YLPM1: variants seen among roughly 807,000 people sequenced by gnomAD.
YLPM1 encodes YLP motif-containing protein 1.
A neutral mutation model predicts 230.0 loss-of-function variants in YLPM1; 99 were observed. The ratio of observed to expected loss-of-function variants is 0.43; its 90% CI spans 0.37 to 0.51. YLPM1 has a LOEUF of 0.51. Among genes scored for constraint, YLPM1 ranks in the 20% least tolerant of loss-of-function variants. The pLI is 0.00. For missense variants in YLPM1, 2,592 were observed against 2,707.7 expected (o/e 0.96, Z 0.95); for synonymous variants, 984 against 942.5 (o/e 1.04, Z -0.81).
chr14:74,778,739 C>T (rs2091065982), intron 2 of YLPM1, 56 bp downstream of exon 2: 1 of 1,439,102 alleles, frequency 6.9e-7, no homozygotes. Flanking sequence ...TTTTCTGATT[C>T]ATTTAGTATA....
chr14:74,766,299 AT>A (rs1235430328), intron 1 of YLPM1, among the ~76,000 whole-genome samples: 1 of 152,118 alleles, frequency 6.6e-6, no homozygotes, highest in Non-Finnish European at 1.5e-5. Context: ...CCTTCTACAT[AT>A]TTATTATTCT....
intron 1 of YLPM1, among the ~76,000 whole-genome samples, chr14:74,772,583 T>A (rs1446779453): frequency 6.6e-6 from 1 of 152,134 alleles, no homozygotes; most frequent in East Asian, 1.9e-4. Context: ...GGTCTCGAAC[T>A]CCTCACCTTG....
At position 74,835,399 on chromosome 14, in the gene YLPM1, C is replaced by T. The variant is rs2091636173; in HGVS notation, c.6429C>T (p.Thr2143=). 1 of 1,613,386 alleles carries T rather than the reference C, an allele frequency of 6.2e-7. No individual in the cohort carries two copies. The highest frequency in any genetic ancestry group is 8.5e-7 in the Non-Finnish European group (1 of 1,179,618). Residue 2143 remains threonine, a synonymous_variant, in exon 20 of 21, where the codon ACC becomes ACT. Coordinates refer to ENST00000325680, the MANE Select transcript of YLPM1 (RefSeq NM_019589.3). ...GHLAEKALNR[T]KYI ...TGGCTGAAAAAGCCCTCAATCGAACCAAATATATATGAGACTTAGTTTTTG... is the reference window on the plus strand; with the variant it reads ...TGGCTGAAAAAGCCCTCAATCGAACTAAATATATATGAGACTTAGTTTTTG...
rs191823440 is a variant in YLPM1 at position 74,773,777 on chromosome 14, A to G, written c.874-4670A>G. 8.5e-3 allele frequency among the ~76,000 whole-genome samples: 1,112 copies of G among 130,430 alleles called. 8 individuals carry two copies. Among genetic ancestry groups the G allele is most frequent in the African/African-American group, 0.031 (1,033 of 32,892 alleles). 85.6% of individuals were successfully genotyped at this position (130,430 alleles called of 152,430 possible). A position where few individuals can be genotyped will look rare whatever the true frequency, so the allele number is the denominator to read the frequency against. On this transcript the variant is annotated intron_variant, in intron 1 of 20. Coordinates refer to ENST00000325680, the MANE Select transcript of YLPM1 (RefSeq NM_019589.3). ...TCTCTGTTGCCCAGGCTGGAGTGCA[A>G]TGGCACGATCTCGGCTCACTGCAAC...
rs1278111177 is a variant in YLPM1 at position 74,812,525 on chromosome 14, T to C, written c.5348-103T>C. ...AAGTTAAAAGTGGCCCCAAAATCAC[T>C]GGACTTGGTTTGAATTATATTACCT... On this transcript the variant is annotated intron_variant, in intron 10 of 20. Transcript: ENST00000325680. 2.5e-6 allele frequency: 3 copies of C among 1,205,624 alleles called. No homozygotes were observed. In the East Asian group the frequency reaches 8.7e-5, roughly 35 times the overall value. 74.7% of individuals were successfully genotyped at this position (1,205,624 alleles called of 1,614,324 possible).
intron 5 of YLPM1, among the ~76,000 whole-genome samples, chr14:74,801,316 GCAGTAAATAATCTT>G (rs1160168969): frequency 1.2e-4 from 18 of 152,140 alleles, no homozygotes; most frequent in Non-Finnish European, 1.3e-4. Context: ...ATTTACCTGA[GCAGTAAATAATCTT>G]ACACACTTGA....
chr14:74,786,869 ATTG>A (rs772037197), intron 4 of YLPM1, among the ~76,000 whole-genome samples: 1 of 152,114 alleles, frequency 6.6e-6, no homozygotes, highest in Non-Finnish European at 1.5e-5. Flanking sequence ...GTTAATGGGT[ATTG>A]TTAAACATTT....
At chr14:74,795,337 A>G (rs1331462161) in intron 4 of YLPM1, among the ~76,000 whole-genome samples, 1 of 152,212 alleles carries the variant, frequency 6.6e-6, no homozygotes, top group Non-Finnish European at 1.5e-5. Flanking sequence ...CTTTTAGAAC[A>G]ACAAAGCCTA....
chr14:74,828,011 A>C, intron 18 of YLPM1: 2 of 985,308 alleles, frequency 2.0e-6, no homozygotes, highest in Non-Finnish European at 2.4e-6. Flanking sequence ...TTTTTCAATG[A>C]TAATCACTTT....
rs2090879351 is a variant in YLPM1, at chr14:74,763,953, G to A, written c.464G>A (p.Gly155Glu). The change falls in exon 1 of 21, where the codon GGG (glycine) becomes GAG (glutamate). Residue 155 changes from glycine to glutamate, a missense_variant. Transcript: ENST00000325680. ...SPPESPPVPP[G>E]SYMPPSQSYM... ...CCTGAATCTCCCCCTGTGCCGCCTG[G>A]GTCCTATATGCCCCCATCTCAGTCT... The A allele has an allele frequency of 6.9e-7, 1 of 1,446,052 alleles. No individual in the cohort carries two copies. Among genetic ancestry groups the A allele is most frequent in the South Asian group, 1.5e-5 (1 of 68,642 alleles). 89.6% of individuals were successfully genotyped at this position (1,446,052 alleles called of 1,614,324 possible).
chr14:74,829,452 A>C (rs1049378332), intron 19 of YLPM1, 109 bp downstream of exon 19: 2 of 1,447,242 alleles, frequency 1.4e-6, no homozygotes, highest in Middle Eastern at 1.8e-4. Context: ...AGAATGATTT[A>C]GTTTACGCTA....
At chr14:74,771,862 A>G (rs190382144) in intron 1 of YLPM1, among the ~76,000 whole-genome samples, 364 of 152,340 alleles carry the variant, frequency 2.4e-3, no homozygotes, top group South Asian at 5.0e-3. Context: ...ATTTAAAATA[A>G]AAATAGGTGG....
chr14:74,820,756 T>C (rs2091514811), intron 16 of YLPM1, among the ~76,000 whole-genome samples: 1 of 152,222 alleles, frequency 6.6e-6, no homozygotes, highest in Non-Finnish European at 1.5e-5. Context: ...AAAATACTCG[T>C]TAAAGATTTT....
intron 4 of YLPM1, 34 bp downstream of exon 4, chr14:74,782,359 T>G (rs1285140603): frequency 6.0e-6 from 9 of 1,491,938 alleles, no homozygotes; most frequent in Non-Finnish European, 7.1e-6. Flanking sequence ...TTTTTTTGGT[T>G]TGGCTATTTT....
Position 74,764,015 on chromosome 14 carries a change from C to A in YLPM1, c.526C>A (p.Pro176Thr), listed in dbSNP as rs776572971. Residue 176 changes from proline to threonine, a missense_variant, in exon 1 of 21, where the codon CCC becomes ACC. Pro to Thr is a conservative substitution (Grantham distance 38). Coordinates refer to ENST00000325680, the MANE Select transcript of YLPM1 (RefSeq NM_019589.3). ...PPPQPPPSYY[P>T]PTSSQPYLPP... ...ACCTCAGCCGCCACCCTCTTACTAC[C>A]CCCCGACCTCATCTCAGCCCTACCT... 6.2e-7 allele frequency: 1 copy of A among 1,608,018 alleles called. No homozygotes were observed.
chr14:74,769,259 CTTTTTTTTTTTTTTTT>C (rs34023289), intron 1 of YLPM1, among the ~76,000 whole-genome samples: 700 of 38,422 alleles, frequency 0.018, 23 homozygotes, highest in Non-Finnish European at 0.03. Flanking sequence ...GTATTTTTAT[CTTTTTTTTTTTTTTTT>C]TTTTTTTTTT....
intron 18 of YLPM1, 99 bp downstream of exon 18, chr14:74,824,406 T>G: frequency 8.1e-7 from 1 of 1,236,294 alleles, no homozygotes; most frequent in South Asian, 1.4e-5. Context: ...AAACTTCTAC[T>G]TGAACAGAGA....
rs2091495019 is a variant in YLPM1 at position 74,818,281 on chromosome 14, T to A, written c.5997T>A (p.Ile1999=). Residue 1999 remains isoleucine, a synonymous_variant, in exon 16 of 21, where the codon ATT becomes ATA. Transcript: ENST00000325680. ...CTCGTCACATGATGCGTCTAGATAT[T>A]CGTTCTTTGCTGCAAGATGCTGCTA... The part of the protein sequence containing the change: ...TAPRHMMRLD[I]RSLLQDAAIE... The A allele has an allele frequency of 1.2e-6, 2 of 1,605,744 alleles. No homozygotes were observed. The highest frequency in any genetic ancestry group is 8.5e-7 in the Non-Finnish European group (1 of 1,176,238).
intron 4 of YLPM1, among the ~76,000 whole-genome samples, chr14:74,793,008 G>A (rs1348184916): frequency 6.6e-6 from 1 of 152,124 alleles, no homozygotes; most frequent in Admixed American, 6.6e-5. Flanking sequence ...ATTCCTCAAG[G>A]TTTTAGGATC....
Sources: allele counts gnomAD v4.1 joint callset (sites outside exome capture counted in the v4.1 genomes callset), GRCh38; gene constraint gnomAD v4.1.1; transcripts MANE v1.5; gene names NCBI Gene and HGNC (gene_info 2026-07-23, HGNC 2026-07-21).